AFF3: variants seen among roughly 807,000 people sequenced by gnomAD.
The protein encoded by AFF3 is ALF transcription elongation factor 3, also known as AF4/FMR2 family member 3.
In AFF3, 32 loss-of-function variants were observed where a neutral mutation model predicts 129.7. That is an observed-to-expected ratio of 0.25 (90% CI 0.19 to 0.33). The LOEUF is 0.33. Among genes scored for constraint, AFF3 ranks in the 10% least tolerant of loss-of-function variants. The probability of loss-of-function intolerance (pLI) is 1.00; values close to 1 mark genes in which losing one functional copy is unlikely to be tolerated. For synonymous variants in AFF3, 644 were observed against 635.4 expected, an observed-to-expected ratio of 1.01 and a Z score of -0.20; for missense variants, 1,373 against 1,592.0, an observed-to-expected ratio of 0.86 and a Z score of 2.34.
At chr2:99,975,681 C>T (rs1424759449) in intron 7 of AFF3, among the ~76,000 whole-genome samples, 3 of 150,846 alleles carry the variant, frequency 2.0e-5, no homozygotes, top group African/African-American at 7.3e-5. Flanking sequence ...GGGTGAGTAA[C>T]ACATGAGCTT....
At chr2:99,762,858 G>C (rs1222005528) in intron 8 of AFF3, among the ~76,000 whole-genome samples, 5 of 152,230 alleles carry the variant, frequency 3.3e-5, no homozygotes, top group Non-Finnish European at 5.9e-5. Context: ...GGCAGTGGCT[G>C]CTGATCACAG....
chr2:100,004,968 T>C (rs1681829035), intron 7 of AFF3, among the ~76,000 whole-genome samples: 1 of 152,080 alleles, frequency 6.6e-6, no homozygotes, highest in South Asian at 2.1e-4. Flanking sequence ...GGACAAAAAG[T>C]TAGGAAGAGG....
chr2:99,685,963 C>T (rs1210361035), intron 11 of AFF3, among the ~76,000 whole-genome samples: 2 of 151,730 alleles, frequency 1.3e-5, no homozygotes, highest in Non-Finnish European at 2.9e-5. Flanking sequence ...CGGAGGCGGG[C>T]GGATCATGAG....
intron 11 of AFF3, among the ~76,000 whole-genome samples, chr2:99,710,212 T>C (rs1489791796): frequency 6.6e-6 from 1 of 152,232 alleles, no homozygotes; most frequent in African/African-American, 2.4e-5. Context: ...CCCTTATTTT[T>C]ATAAAGTATT....
intron 8 of AFF3, among the ~76,000 whole-genome samples, chr2:99,765,465 T>C (rs911279828): frequency 2.0e-4 from 30 of 152,332 alleles, no homozygotes; most frequent in Admixed American, 1.8e-3. Flanking sequence ...CTGGGAAACC[T>C]TGTATAATTT....
chr2:99,918,420 C>G (rs1043325300), intron 7 of AFF3, among the ~76,000 whole-genome samples: 8 of 152,036 alleles, frequency 5.3e-5, no homozygotes, highest in Non-Finnish European at 1.2e-4. Flanking sequence ...TGTTCATTAC[C>G]CTATTCCTAG....
chr2:99,673,234 G>A (rs4384839), intron 11 of AFF3, among the ~76,000 whole-genome samples: 82,667 of 151,488 alleles, frequency 0.55, 23,215 homozygotes, highest in African/African-American at 0.68. Flanking sequence ...AGTTGTGAGC[G>A]AAGCTTCTTA....
At chr2:99,697,931 A>G (rs1274877971) in intron 11 of AFF3, among the ~76,000 whole-genome samples, 3 of 152,238 alleles carry the variant, frequency 2.0e-5, no homozygotes, top group East Asian at 3.8e-4. Context: ...GCATGCTGCC[A>G]ATATATGCAC....
intron 7 of AFF3, among the ~76,000 whole-genome samples, chr2:99,870,072 C>T (rs552241805): frequency 1.3e-5 from 2 of 152,262 alleles, no homozygotes; most frequent in South Asian, 4.1e-4. Flanking sequence ...TCTGGTCTTG[C>T]GGGTCAGTCT....
At chr2:99,759,133 A>G (rs1194439483) in intron 8 of AFF3, among the ~76,000 whole-genome samples, 1 of 152,200 alleles carries the variant, frequency 6.6e-6, no homozygotes, top group East Asian at 1.9e-4. Flanking sequence ...CTATGCCAAT[A>G]TAATAGGATA....
rs543847023 is a variant in AFF3 at position 99,969,575 on chromosome 2, G to A, written c.873+37057C>T. ...ACAATCTCAGCTCACTGCAACCTCCGCCTCCCAGGCTCAAAAGATTCTCCT... is the reference window on the plus strand; with the variant it reads ...ACAATCTCAGCTCACTGCAACCTCCACCTCCCAGGCTCAAAAGATTCTCCT... On this transcript the variant is annotated intron_variant, in intron 7 of 24. Coordinates refer to ENST00000672756, the MANE Select transcript of AFF3 (RefSeq NM_001386135.1). Among the ~76,000 whole-genome samples, 21 of 152,036 alleles carry A rather than the reference G, an allele frequency of 1.4e-4. No homozygotes were observed. The South Asian group carries it at 2.3e-3, about 17-fold the overall frequency.
chr2:99,930,996 T>C (rs536870917), intron 7 of AFF3, among the ~76,000 whole-genome samples: 1 of 152,240 alleles, frequency 6.6e-6, no homozygotes, highest in Non-Finnish European at 1.5e-5. Flanking sequence ...AACCACCAGC[T>C]TAAGGTTCAG....
chr2:99,927,541 C>T (rs532232658), intron 7 of AFF3, among the ~76,000 whole-genome samples: 1 of 152,024 alleles, frequency 6.6e-6, no homozygotes, highest in East Asian at 1.9e-4. Context: ...AACACATGGA[C>T]ACATAGAAGG....
chr2:99,998,938 G>T (rs1485591361), intron 7 of AFF3, among the ~76,000 whole-genome samples: 1 of 152,116 alleles, frequency 6.6e-6, no homozygotes, highest in East Asian at 1.9e-4. Context: ...TGGCAGAGAC[G>T]CTGGAAATGT....
chr2:100,027,247 T>C (rs1416422129), intron 4 of AFF3, among the ~76,000 whole-genome samples: 4 of 152,218 alleles, frequency 2.6e-5, no homozygotes, highest in Non-Finnish European at 5.9e-5. Flanking sequence ...AAGCTCACTG[T>C]ATCTATTCTG....
intron 11 of AFF3, among the ~76,000 whole-genome samples, chr2:99,720,052 A>C (rs573644197): frequency 6.6e-6 from 1 of 152,216 alleles, no homozygotes; most frequent in Admixed American, 6.5e-5. Context: ...TAAATAAATA[A>C]ACAAACAAAC....
intron 19 of AFF3, among the ~76,000 whole-genome samples, chr2:99,567,273 C>T (rs1676063171): frequency 3.3e-5 from 5 of 151,884 alleles, no homozygotes; most frequent in Admixed American, 3.3e-4. Context: ...AGCCACCGTG[C>T]CTGGCCTATA....
chr2:99,648,881 G>GCACACACA (rs367768868), intron 13 of AFF3, among the ~76,000 whole-genome samples: 5,897 of 63,532 alleles, frequency 0.093, 815 homozygotes, highest in East Asian at 0.23. Flanking sequence ...CTCAAAACAC[G>GCACACACA]CGCGCACACA....
At chr2:99,697,344 G>A (rs1486721295) in intron 11 of AFF3, among the ~76,000 whole-genome samples, 2 of 152,212 alleles carry the variant, frequency 1.3e-5, no homozygotes, top group African/African-American at 4.8e-5. Flanking sequence ...ACTGTCCTGG[G>A]TGTGGGAGAT....
Sources: gnomAD v4.1 joint callset for allele counts (sites outside exome capture counted in the v4.1 genomes callset) on GRCh38, gnomAD v4.1.1 for gene constraint, MANE v1.5 for transcripts, NCBI Gene and HGNC (gene_info 2026-07-23, HGNC 2026-07-21) for gene names.